Variants in SNTB2 observed in about 807,000 individuals in gnomAD.
The protein encoded by SNTB2 is syntrophin beta 2.
A neutral mutation model predicts 46.2 loss-of-function variants in SNTB2; 34 were observed. That is an observed-to-expected ratio of 0.74 (90% CI 0.56 to 0.98). The LOEUF is 0.98. SNTB2 is among the 50% of genes least tolerant of loss of function. SNTB2 has a pLI of 0.00. For missense variants in SNTB2, 603 were observed against 731.4 expected (o/e 0.82, Z 2.02); for synonymous variants, 290 against 312.6 (o/e 0.93, Z 0.76).
At chr16:69,215,411 A>G (rs1369439891) in intron 1 of SNTB2, among the ~76,000 whole-genome samples, 3 of 152,084 alleles carry the variant, frequency 2.0e-5, no homozygotes, top group Non-Finnish European at 4.4e-5. Context: ...GAAAAGTGAG[A>G]TGTTTCCTAT....
intron 1 of SNTB2, among the ~76,000 whole-genome samples, chr16:69,208,880 A>G (rs1964251139): frequency 1.3e-5 from 2 of 152,112 alleles, no homozygotes; most frequent in African/African-American, 2.4e-5. Flanking sequence ...AGAAATATAC[A>G]TATTTCCTTC....
intron 4 of SNTB2, among the ~76,000 whole-genome samples, chr16:69,277,952 C>T (rs1964997927): frequency 6.6e-6 from 1 of 152,194 alleles, no homozygotes; most frequent in Admixed American, 6.6e-5. Context: ...GAGGCCAAGG[C>T]ATGTGGATCG....
At chr16:69,289,766 T>A (rs7191495) in intron 5 of SNTB2, among the ~76,000 whole-genome samples, 41,462 of 151,682 alleles carry the variant, frequency 0.27, 6,254 homozygotes, top group African/African-American at 0.39. Flanking sequence ...TACAAAAAAT[T>A]AAAAAATTAC....
rs1471407753 is a variant in SNTB2, at chr16:69,292,389, A to T, written c.1346-7201A>T. The stretch of plus-strand genomic sequence containing the variant: ...ATATATATATATATATTATATATAT[A>T]TTATATATATATATATATTATATAT... On this transcript the variant is annotated intron_variant, in intron 5 of 6. Transcript: ENST00000336278. Among the ~76,000 whole-genome samples, 70 of 11,334 alleles carry T rather than the reference A, an allele frequency of 6.2e-3. 9 individuals are homozygous for T. The highest frequency in any genetic ancestry group is 0.016 in the African/African-American group (60 of 3,734). The allele number at this position is 11,334 out of a possible 152,430, so 7.4% of individuals were successfully genotyped here. A position where few individuals can be genotyped will look rare whatever the true frequency, so the allele number is the denominator to read the frequency against.
intron 4 of SNTB2, among the ~76,000 whole-genome samples, chr16:69,281,697 G>A (rs1965048897): frequency 6.6e-6 from 1 of 151,558 alleles, no homozygotes; most frequent in South Asian, 2.1e-4. Flanking sequence ...ACAAAAATTA[G>A]CTGGGTATGG....
Position 69,197,018 on chromosome 16 carries a change from A to ATT in SNTB2, c.580+9282_580+9283dup, listed in dbSNP as rs551239753. Reference sequence around the variant, plus strand: ...GTTAATGTCTCTCAGTCTTTTCCTCATTTTTTTTTTTCATGCTGGACCTAA... The same window carrying ATT: ...GTTAATGTCTCTCAGTCTTTTCCTCATTTTTTTTTTTTTCATGCTGGACCTAA... On this transcript the variant is annotated intron_variant, in intron 1 of 6. Transcript: ENST00000336278. Among the ~76,000 whole-genome samples, 5 of 140,782 alleles carry ATT rather than the reference A, an allele frequency of 3.6e-5. No homozygotes were observed. The East Asian group carries it at 8.3e-4, about 23-fold the overall frequency. 92.4% of individuals were successfully genotyped at this position (140,782 alleles called of 152,430 possible). A position where few individuals can be genotyped will look rare whatever the true frequency, so the allele number is the denominator to read the frequency against.
At chr16:69,229,803 C>G (rs1484816889) in intron 1 of SNTB2, among the ~76,000 whole-genome samples, 1 of 143,432 alleles carries the variant, frequency 7.0e-6, no homozygotes, top group Non-Finnish European at 1.5e-5. Flanking sequence ...GATCATGCCA[C>G]TGCACTCCAG....
At chr16:69,245,386 G>A (rs771767090) in intron 1 of SNTB2, among the ~76,000 whole-genome samples, 1 of 152,024 alleles carries the variant, frequency 6.6e-6, no homozygotes, top group Non-Finnish European at 1.5e-5. Context: ...GTAGAGATGG[G>A]GTTTCACTAC....
intron 2 of SNTB2, among the ~76,000 whole-genome samples, chr16:69,258,331 T>G (rs1964798375): frequency 6.6e-6 from 1 of 152,124 alleles, no homozygotes; most frequent in Non-Finnish European, 1.5e-5. Flanking sequence ...AAAATTCATC[T>G]TTGCAAGAAC....
chr16:69,223,216 G>C (rs1022550791), intron 1 of SNTB2, among the ~76,000 whole-genome samples: 20 of 132,634 alleles, frequency 1.5e-4, no homozygotes, highest in African/African-American at 2.3e-4. Context: ...TTTTGATACA[G>C]AGTTTTGCTC....
intron 2 of SNTB2, among the ~76,000 whole-genome samples, chr16:69,246,461 G>A (rs1172201450): frequency 6.7e-6 from 1 of 149,088 alleles, no homozygotes; most frequent in African/African-American, 2.5e-5. Context: ...GATTCGTTTT[G>A]CCAGTATTTT....
chr16:69,269,494 C>T (rs1254079248), intron 3 of SNTB2, among the ~76,000 whole-genome samples: 9 of 150,978 alleles, frequency 6.0e-5, no homozygotes, highest in Admixed American at 2.0e-4. Context: ...TCCAGCTTGG[C>T]GACAGAGCAA....
chr16:69,295,230 ATTTTTTTT>A lies in SNTB2; in HGVS notation c.1346-4336_1346-4329del, dbSNP rs1160903028. Among the ~76,000 whole-genome samples the A allele has an allele frequency of 5.1e-3, 416 of 81,920 alleles. 2 individuals are homozygous for A. Among genetic ancestry groups the A allele is most frequent in the African/African-American group, 0.022 (401 of 18,516 alleles). The allele number at this position is 81,920 out of a possible 152,430, so 53.7% of individuals were successfully genotyped here. ...CTGTTAAACAAAATCAACATACTGAATTTTTTTTTTTTTTTTTTTTTTTTTTTTTTTGA... is the reference window on the plus strand; with the variant it reads ...CTGTTAAACAAAATCAACATACTGAATTTTTTTTTTTTTTTTTTTTTTTGA... On this transcript the variant is annotated intron_variant, in intron 5 of 6. Transcript: ENST00000336278.
chr16:69,280,689 T>G (rs910816819), intron 4 of SNTB2, among the ~76,000 whole-genome samples: 1 of 152,144 alleles, frequency 6.6e-6, no homozygotes, highest in Non-Finnish European at 1.5e-5. Flanking sequence ...TTTAACTGGG[T>G]GGTTTTCTTA....
intron 1 of SNTB2, among the ~76,000 whole-genome samples, chr16:69,244,130 A>G (rs918181921): frequency 6.6e-6 from 1 of 152,228 alleles, no homozygotes; most frequent in Non-Finnish European, 1.5e-5. Context: ...AAGTGCGGTC[A>G]CATAGCTTTG....
In SNTB2 at chr16:69,301,220, T is replaced by C. The variant is rs1965275551; in HGVS notation, c.*296T>C. 4.1e-6 allele frequency: 1 copy of C among 246,294 alleles called. No individual in the cohort carries two copies. The highest frequency in any genetic ancestry group is 2.2e-5 in the African/African-American group (1 of 45,036). 15.3% of individuals were successfully genotyped at this position (246,294 alleles called of 1,614,324 possible). A position where few individuals can be genotyped will look rare whatever the true frequency, so the allele number is the denominator to read the frequency against. On this transcript the variant is annotated 3_prime_UTR_variant, in exon 7 of 7. Transcript: ENST00000336278. ...TTCTACTGCTAAAAAGAATGGCTCA[T>C]TGTTTTCTTTTTTTTTCATTGTTTT... is the stretch of plus-strand genomic sequence containing the variant.
chr16:69,273,625 A>G (rs559471669), intron 4 of SNTB2, among the ~76,000 whole-genome samples: 29 of 152,284 alleles, frequency 1.9e-4, no homozygotes, highest in African/African-American at 6.7e-4. Context: ...CTAAAATTGA[A>G]TGTGGTGATG....
chr16:69,234,702 ATTTTT>A (rs199980967), intron 1 of SNTB2, among the ~76,000 whole-genome samples: 1 of 136,442 alleles, frequency 7.3e-6, no homozygotes. Context: ...ACAACTTGGT[ATTTTT>A]TTTTTTTTTT....
At chr16:69,245,098 A>G (rs1306395668) in intron 1 of SNTB2, among the ~76,000 whole-genome samples, 1 of 152,214 alleles carries the variant, frequency 6.6e-6, no homozygotes, top group African/African-American at 2.4e-5. Flanking sequence ...AAGTTTCTAA[A>G]GGTTGAATCA....
Sources: allele counts gnomAD v4.1 joint callset (sites outside exome capture counted in the v4.1 genomes callset), GRCh38; gene constraint gnomAD v4.1.1; transcripts MANE v1.5; gene names NCBI Gene and HGNC (gene_info 2026-07-23, HGNC 2026-07-21).